Variants in DST observed in about 807,000 individuals in gnomAD.
The protein encoded by DST is dystonin.
DST carries 253 observed loss-of-function variants against 875.2 expected under a neutral mutation model. That is an observed-to-expected ratio of 0.29 (90% CI 0.26 to 0.32). The LOEUF (loss-of-function observed/expected upper bound fraction) is 0.32, where lower values mean the gene tolerates loss of function less well. Ranked by LOEUF, DST falls within the 10% of genes least tolerant of loss-of-function variation. The probability of loss-of-function intolerance (pLI) is 1.00; values close to 1 mark genes in which losing one functional copy is unlikely to be tolerated. For missense variants in DST, 8,287 were observed against 9,111.6 expected (o/e 0.91, Z 3.68); for synonymous variants, 3,124 against 3,197.1 (o/e 0.98, Z 0.77).
chr6:56,556,051 C>T (rs2097410641), intron 59 of DST, among the ~76,000 whole-genome samples: 2 of 152,108 alleles, frequency 1.3e-5, no homozygotes, highest in South Asian at 4.2e-4. Context: ...TAAACTAATC[C>T]CATCCCCCTA....
rs41267675 is a variant in DST, at chr6:56,735,323, G to C, written c.626-34C>G. 3.9e-6 allele frequency: 5 copies of C among 1,281,816 alleles called. No individual in the cohort carries two copies. In the South Asian group the frequency reaches 5.3e-5, roughly 14 times the overall value. 79.4% of individuals were successfully genotyped at this position (1,281,816 alleles called of 1,614,324 possible). On this transcript the variant is annotated intron_variant, in intron 4 of 103. Coordinates refer to ENST00000680361, the MANE Select transcript of DST (RefSeq NM_001374736.1). ...AAAAAATATATATAAAGATAAGGTT[G>C]GTAAAATCTATGAATAGATGACTTT...
At position 56,855,998 on chromosome 6, in the gene DST, T is replaced by C. The variant is rs116265647; in HGVS notation, c.418-4394A>G. 3.2e-3 allele frequency among the ~76,000 whole-genome samples: 486 copies of C among 152,300 alleles called. 4 individuals carry two copies. Among genetic ancestry groups the C allele is most frequent in the African/African-American group, 0.011 (462 of 41,564 alleles). On this transcript the variant is annotated intron_variant, in intron 3 of 103. Coordinates refer to ENST00000680361, the MANE Select transcript of DST (RefSeq NM_001374736.1). ...CAAAAACACATTGAACAAAACAACA[T>C]TATTCAAGGACCTACTATATTGTGT... is the stretch of plus-strand genomic sequence containing the variant.
chr6:56,824,062 G>GA (rs1413033317), intron 4 of DST, among the ~76,000 whole-genome samples: 1 of 152,054 alleles, frequency 6.6e-6, no homozygotes, highest in Non-Finnish European at 1.5e-5. Flanking sequence ...ATGCCGAGTC[G>GA]AAGCTGGACT....
At chr6:56,893,121 G>A (rs1300427157) in intron 3 of DST, among the ~76,000 whole-genome samples, 1 of 152,182 alleles carries the variant, frequency 6.6e-6, no homozygotes, top group Non-Finnish European at 1.5e-5. Context: ...AGTATACATT[G>A]TACCATACTG....
At position 56,552,435 on chromosome 6, in the gene DST, C is replaced by G; in HGVS notation, c.16357G>C (p.Glu5453Gln). 1 of 1,614,006 alleles carries G rather than the reference C, an allele frequency of 6.2e-7. No homozygotes were observed. Among genetic ancestry groups the G allele is most frequent in the Non-Finnish European group, 8.5e-7 (1 of 1,179,896 alleles). The change falls in exon 61 of 104, where the codon GAA becomes CAA. Residue 5453 changes from glutamate (E) to glutamine (Q), a missense_variant. Physicochemically the swap from Glu to Gln is conservative, Grantham distance 29 (BLOSUM62 2). Around this residue, in one of 10 missense-constraint regions of DST, gnomAD observed 777 missense variants for 764.8 expected, o/e 1.02. Coordinates refer to ENST00000680361, the MANE Select transcript of DST (RefSeq NM_001374736.1). ...NKTCKMMLAT[E>Q]ETSPDLVGIK... ...CCAACAAGGTCAGGAGAGGTTTCTTCTGTGGCTAACATCATCTTGCAGGTT... is the reference window on the plus strand; with the variant it reads ...CCAACAAGGTCAGGAGAGGTTTCTTGTGTGGCTAACATCATCTTGCAGGTT...
chr6:56,790,101 T>G (rs1303103508), intron 4 of DST, among the ~76,000 whole-genome samples: 1 of 152,174 alleles, frequency 6.6e-6, no homozygotes, highest in Non-Finnish European at 1.5e-5. Context: ...ATACTTCTCC[T>G]TCTGTTACCC....
At chr6:56,904,893 G>C (rs1339220047) in intron 2 of DST, among the ~76,000 whole-genome samples, 4 of 152,126 alleles carry the variant, frequency 2.6e-5, no homozygotes, top group Admixed American at 2.0e-4. Context: ...GGGTTCAAGT[G>C]ATTCTCCTGC....
At position 56,640,067 on chromosome 6, in the gene DST, G is replaced by A. The variant is rs761298598; in HGVS notation, c.2491-10C>T. The A allele has an allele frequency of 6.2e-7, 1 of 1,613,942 alleles. No individual in the cohort carries two copies. Among genetic ancestry groups the A allele is most frequent in the South Asian group, 1.1e-5 (1 of 91,054 alleles). On this transcript the variant is annotated splice_polypyrimidine_tract_variant and intron_variant, in intron 18 of 103. Transcript: ENST00000680361. ...TGCGGTCCAGTTGTACCTTCAGACAGTAAAATACTAAGTTTAAAAAAGAAA... is the reference window on the plus strand; with the variant it reads ...TGCGGTCCAGTTGTACCTTCAGACAATAAAATACTAAGTTTAAAAAAGAAA...
chr6:56,618,403 G>A, intron 36 of DST: 1 of 1,614,146 alleles, frequency 6.2e-7, no homozygotes, highest in Non-Finnish European at 8.5e-7. Flanking sequence ...CTGGTTTGAA[G>A]GTACAGTCTT....
rs372340626 is a variant in DST, at chr6:56,607,528, G to A, written c.7100C>T (p.Thr2367Ile). Residue 2367 changes from threonine (T) to isoleucine (I), a missense_variant, in exon 40 of 104, where the codon ACA (threonine) becomes ATA (isoleucine). Thr to Ile is a moderately conservative substitution (Grantham distance 89). Around this residue, in one of 10 missense-constraint regions of DST, gnomAD observed 3,138 missense variants for 3,116.6 expected, o/e 1.01. Coordinates refer to ENST00000680361, the MANE Select transcript of DST (RefSeq NM_001374736.1). The stretch of plus-strand genomic sequence containing the variant: ...CACTCGGCTTTGATTTTCATAGTTT[G>A]TAAGTATGTTTTCAGAGTCACTTCT... ...MLRSDSENIL[T>I]NYENQSRVET... 10 of 1,603,398 alleles carry A rather than the reference G, an allele frequency of 6.2e-6. No homozygotes were observed. The highest frequency in any genetic ancestry group is 7.7e-6 in the Non-Finnish European group (9 of 1,174,028).
chr6:56,954,643 C>T lies in DST; in HGVS notation c.-56G>A. The T allele has an allele frequency of 8.3e-7, 1 of 1,197,790 alleles. No homozygotes were observed. Among genetic ancestry groups the T allele is most frequent in the Non-Finnish European group, 1.1e-6 (1 of 937,456 alleles). The allele number at this position is 1,197,790 out of a possible 1,614,324, so 74.2% of individuals were successfully genotyped here. A position where few individuals can be genotyped will look rare whatever the true frequency, so the allele number is the denominator to read the frequency against. On this transcript the variant is annotated 5_prime_UTR_variant, in exon 1 of 104. Coordinates refer to ENST00000680361, the MANE Select transcript of DST (RefSeq NM_001374736.1). ...CGGGGCTGGAGGGCGGCGGCACAGG[C>T]ACCCGCGCTGGGCGCACGCCGGGAC...
In DST at chr6:56,600,066, T is replaced by C; in HGVS notation, c.11694+3A>G. 6.2e-7 allele frequency: 1 copy of C among 1,609,730 alleles called. No homozygotes were observed. The highest frequency in any genetic ancestry group is 8.5e-7 in the Non-Finnish European group (1 of 1,177,932). Reference sequence around the variant, plus strand: ...GATCTGCTGATAGAAAACCAAATTCTACCTCTTGCTTGGACTGATATTTCT... The same window carrying C: ...GATCTGCTGATAGAAAACCAAATTCCACCTCTTGCTTGGACTGATATTTCT... On this transcript the variant is annotated splice_donor_region_variant and intron_variant, in intron 45 of 103. Coordinates refer to ENST00000680361, the MANE Select transcript of DST (RefSeq NM_001374736.1).
chr6:56,596,393 C>T (rs2098387172), intron 47 of DST, among the ~76,000 whole-genome samples: 1 of 152,146 alleles, frequency 6.6e-6, no homozygotes, highest in Non-Finnish European at 1.5e-5. Context: ...ATGGGAAATG[C>T]CACACTGTGC....
At chr6:56,626,969 A>T (rs955769834) in intron 34 of DST, among the ~76,000 whole-genome samples, 2 of 152,156 alleles carry the variant, frequency 1.3e-5, no homozygotes, top group African/African-American at 2.4e-5. Context: ...CTACAGAGCT[A>T]TGTATTCTGG....
chr6:56,706,821 C>A (rs960453769), intron 5 of DST, among the ~76,000 whole-genome samples: 2 of 151,970 alleles, frequency 1.3e-5, no homozygotes, highest in African/African-American at 4.8e-5. Context: ...GCCAACATGG[C>A]AAAACCCATC....
intron 4 of DST, among the ~76,000 whole-genome samples, chr6:56,835,285 G>C (rs192038757): frequency 2.0e-5 from 3 of 152,132 alleles, no homozygotes; most frequent in Non-Finnish European, 4.4e-5. Context: ...TTATGCATTT[G>C]TCAAAACCTA....
At chr6:56,921,167 G>T (rs73463713) in intron 2 of DST, among the ~76,000 whole-genome samples, 2,927 of 152,118 alleles carry the variant, frequency 0.019, 94 homozygotes, top group African/African-American at 0.066. Context: ...ATATGAATTT[G>T]AATATATTTC....
chr6:56,472,171 A>G lies in DST; in HGVS notation c.22046T>C (p.Ile7349Thr), dbSNP rs746836370. ...SLYPSGSQTQ[I>T]ETKNPRVNLL... is the part of the protein sequence containing the mutation. ...GTTTACCCTAGGATTTTTGGTTTCA[A>G]TTTGTGTCTGTGACCCAGAGGGATA... Residue 7349 changes from isoleucine (I) to threonine (T), a missense_variant, in exon 94 of 104, where the codon ATT becomes ACT. Physicochemically the swap from Ile to Thr is moderately conservative, Grantham distance 89. This residue lies in a region of DST where 1,292 missense variants were observed against 1,552.7 expected (regional missense o/e 0.83). Coordinates refer to ENST00000680361, the MANE Select transcript of DST (RefSeq NM_001374736.1). 1.4e-5 allele frequency: 23 copies of G among 1,613,786 alleles called. No individual in the cohort carries two copies. Among genetic ancestry groups the G allele is most frequent in the Middle Eastern group, 3.3e-4 (2 of 6,084 alleles).
At chr6:56,592,451 G>GAA in intron 48 of DST, 93 bp from the exon 49 acceptor site, 1 of 1,052,646 alleles carries the variant, frequency 9.5e-7, no homozygotes, top group Non-Finnish European at 1.3e-6. Context: ...ATGTAACTTG[G>GAA]AAAAAAAACC....
Sources: allele counts gnomAD v4.1 joint callset (sites outside exome capture counted in the v4.1 genomes callset), GRCh38; gene constraint gnomAD v4.1.1; regional missense constraint gnomAD v4.1.1; transcripts MANE v1.5; gene names NCBI Gene and HGNC (gene_info 2026-07-23, HGNC 2026-07-21).